ZNF730: variants seen among roughly 807,000 people sequenced by gnomAD.
The protein encoded by ZNF730 is zinc finger protein 730, also known as putative zinc finger protein 730.
Under a neutral mutation model 12.6 loss-of-function variants are expected in ZNF730, and 12 were observed. That is an observed-to-expected ratio of 0.95 (90% CI 0.61 to 1.54). The LOEUF (loss-of-function observed/expected upper bound fraction) is 1.54, where lower values mean the gene tolerates loss of function less well. ZNF730 is among the 40% of genes most tolerant of loss of function. The pLI, the probability that ZNF730 is intolerant of heterozygous loss-of-function variation, is 0.00. For synonymous variants in ZNF730, 194 were observed against 195.8 expected (o/e 0.99, Z 0.08); for missense variants, 643 against 583.5 (o/e 1.10, Z -1.05).
chr19:23,122,538 T>C (rs1970612276), intron 1 of ZNF730, among the ~76,000 whole-genome samples: 1 of 152,186 alleles, frequency 6.6e-6, no homozygotes, highest in Non-Finnish European at 1.5e-5. Flanking sequence ...AGATACTGAG[T>C]AAACTTTTTT....
intron 1 of ZNF730, among the ~76,000 whole-genome samples, chr19:23,080,134 CAG>C (rs966800970): frequency 2.6e-5 from 4 of 151,948 alleles, no homozygotes; most frequent in African/African-American, 9.7e-5. Flanking sequence ...TTAGTAGAGA[CAG>C]AGTTTCACCA....
chr19:23,107,473 A>AAAG (rs1970408814), intron 1 of ZNF730, among the ~76,000 whole-genome samples: 1 of 149,720 alleles, frequency 6.7e-6, no homozygotes, highest in Admixed American at 6.7e-5. Flanking sequence ...AAAAAAAAAA[A>AAAG]AACCACCACA....
At position 23,134,115 on chromosome 19, in the gene ZNF730, C is replaced by T. The variant is rs1259196558; in HGVS notation, c.39C>T (p.Phe13=). ...CATTTAGAGATGTGGCCATAGAATT[C>T]TCTCTGGAGGAGTGGCAATGTCTGG... ...ALTFRDVAIE[F]SLEEWQCLDT... is the part of the protein sequence containing the mutation. The change falls in exon 2 of 4, where the codon TTC becomes TTT. Residue 13 remains phenylalanine, a synonymous_variant. Coordinates refer to ENST00000597761, the MANE Select transcript of ZNF730 (RefSeq NM_001277403.2). 6.2e-6 allele frequency: 10 copies of T among 1,613,384 alleles called. No individual in the cohort carries two copies. The highest frequency in any genetic ancestry group is 1.1e-5 in the South Asian group (1 of 91,038).
In ZNF730 at chr19:23,146,041, AT is replaced by A; in HGVS notation, c.999del (p.His334IlefsTer27). 1.9e-6 allele frequency: 3 copies of A among 1,611,366 alleles called. No individual in the cohort carries two copies. In the South Asian group the frequency reaches 3.3e-5, roughly 18 times the overall value. On this transcript the variant is annotated frameshift_variant, in exon 4 of 4. Transcript: ENST00000597761. LOFTEE classifies it low-confidence loss of function (END_TRUNC). Reference protein sequence around the residue: ...WSSTLTKHKRIHNGEKPYKCE... With the variant: ...WSSTLTKHKRXHNGEKPYKCE... ...CTCAACCCTTACAAAACATAAAAGA[AT>A]TCATAATGGAGAAAAACCCTACAAA... is the stretch of plus-strand genomic sequence containing the variant.
At chr19:23,115,525 G>A (rs969537431), upstream of ZNF730, among the ~76,000 whole-genome samples, 1 of 152,184 alleles carries the variant, frequency 6.6e-6, no homozygotes, top group African/African-American at 2.4e-5. Flanking sequence ...ATGACCGTGT[G>A]CCAGTTTGGG....
Position 23,146,256 on chromosome 19 carries a change from C to A in ZNF730, c.1212C>A (p.Ala404=). ...KFYKCEECGK[A]FSRISHLTTH... Reference sequence around the variant, plus strand: ...ACAAATGTGAAGAATGTGGCAAAGCCTTTAGCCGTATCTCACACCTTACTA... The same window carrying A: ...ACAAATGTGAAGAATGTGGCAAAGCATTTAGCCGTATCTCACACCTTACTA... The change falls in exon 4 of 4, where the codon GCC becomes GCA. Residue 404 remains alanine (A), a synonymous_variant. Transcript: ENST00000597761. 6.2e-7 allele frequency: 1 copy of A among 1,610,398 alleles called. No homozygotes were observed. The highest frequency in any genetic ancestry group is 8.5e-7 in the Non-Finnish European group (1 of 1,178,688).
At position 23,105,746 on chromosome 19, in the gene ZNF730, C is replaced by T. The variant is rs546326733; in HGVS notation, c.-93-28334C>T. Among the ~76,000 whole-genome samples the T allele has an allele frequency of 1.4e-4, 22 of 152,230 alleles. No individual in the cohort carries two copies. The South Asian group carries it at 4.1e-3, about 29-fold the overall frequency. On this transcript the variant is annotated intron_variant, in intron 1 of 2. Coordinates refer to the ZNF730 transcript ENST00000593635. ...TGTTGAAATGCAAACCTTTTTGTGGCTGTGTATTGCTAACTTTATTTTCAA... is the reference window on the plus strand; with the variant it reads ...TGTTGAAATGCAAACCTTTTTGTGGTTGTGTATTGCTAACTTTATTTTCAA...
chr19:23,114,310 T>TTTTC (rs1555714261), upstream of ZNF730, among the ~76,000 whole-genome samples: 1 of 111,224 alleles, frequency 9.0e-6, no homozygotes, highest in African/African-American at 3.5e-5. Context: ...CTTTTCTTTT[T>TTTTC]TTTTTTTTTT....
chr19:23,131,494 AAAAAC>A (rs1182613311), intron 1 of ZNF730, among the ~76,000 whole-genome samples: 1 of 152,082 alleles, frequency 6.6e-6, no homozygotes, highest in African/African-American at 2.4e-5. Context: ...TACAAAAACA[AAAAAC>A]AAACAAAAAA....
chr19:23,088,967 G>A (rs1294229416), intron 1 of ZNF730, among the ~76,000 whole-genome samples: 1 of 151,730 alleles, frequency 6.6e-6, no homozygotes, highest in Non-Finnish European at 1.5e-5. Flanking sequence ...CCACCTCCCG[G>A]GTTCAAGTGA....
At chr19:23,122,132 CTTTTTTTTTTTTT>C (rs71163449) in intron 1 of ZNF730, among the ~76,000 whole-genome samples, 2 of 22,778 alleles carry the variant, frequency 8.8e-5, no homozygotes, top group Non-Finnish European at 1.5e-4. Flanking sequence ...TTGTTTAAAG[CTTTTTTTTTTTTT>C]TTTTTTTTTT....
intron 1 of ZNF730, among the ~76,000 whole-genome samples, chr19:23,130,450 T>C (rs1443893176): frequency 6.6e-6 from 1 of 152,118 alleles, no homozygotes; most frequent in African/African-American, 2.4e-5. Context: ...AACTAGCAAC[T>C]GAATAAAGGT....
chr19:23,101,717 G>A (rs1210980230), intron 1 of ZNF730, among the ~76,000 whole-genome samples: 2 of 152,122 alleles, frequency 1.3e-5, no homozygotes, highest in Admixed American at 1.3e-4. Context: ...GTACAGGCAT[G>A]CACCACCACA....
intron 1 of ZNF730, among the ~76,000 whole-genome samples, chr19:23,101,273 A>G (rs1032637068): frequency 6.6e-6 from 1 of 152,054 alleles, no homozygotes; most frequent in African/African-American, 2.4e-5. Context: ...AAGTTGAATA[A>G]TTGACTCTCA....
intron 1 of ZNF730, among the ~76,000 whole-genome samples, chr19:23,107,429 C>A (rs1300607603): frequency 2.3e-5 from 2 of 86,016 alleles, no homozygotes; most frequent in African/African-American, 1.0e-4. Context: ...TATCCTGTCT[C>A]TACTTTAAAA....
Position 23,146,010 on chromosome 19 carries a change from G to A in ZNF730, c.966G>A (p.Lys322=). The change falls in exon 4 of 4, where the codon AAG becomes AAA. Residue 322 remains lysine (K), a synonymous_variant. Transcript: ENST00000597761. Reference sequence around the variant, plus strand: ...GCGAAAAATGTGGCAAAGCTTTTAAGTGGTCCTCAACCCTTACAAAACATA... The same window carrying A: ...GCGAAAAATGTGGCAAAGCTTTTAAATGGTCCTCAACCCTTACAAAACATA... The part of the protein sequence containing the change: ...YKCEKCGKAF[K]WSSTLTKHKR... The A allele has an allele frequency of 6.2e-7, 1 of 1,604,822 alleles. No individual in the cohort carries two copies. The highest frequency in any genetic ancestry group is 8.5e-7 in the Non-Finnish European group (1 of 1,177,434).
At chr19:23,099,237 C>G (rs1457257927) in intron 1 of ZNF730, among the ~76,000 whole-genome samples, 1 of 152,196 alleles carries the variant, frequency 6.6e-6, no homozygotes, top group Non-Finnish European at 1.5e-5. Context: ...GGACTGTCCT[C>G]TGTGGACCCA....
chr19:23,146,206 A>G lies in ZNF730; in HGVS notation c.1162A>G (p.Ile388Val), dbSNP rs746554810. Residue 388 changes from isoleucine (I) to valine (V), a missense_variant, in exon 4 of 4, where the codon ATA (isoleucine) becomes GTA (valine). By Grantham distance (29) the Ile-to-Val change is conservative. Transcript: ENST00000597761. ...ATCCTCAACTCTTACTATACATAAGATAATTCATACTGTAGAGAAATTTTA... is the reference window on the plus strand; with the variant it reads ...ATCCTCAACTCTTACTATACATAAGGTAATTCATACTGTAGAGAAATTTTA... ...NQSSTLTIHK[I>V]IHTVEKFYKC... is the part of the protein sequence containing the mutation. 10 of 1,610,696 alleles carry G rather than the reference A, an allele frequency of 6.2e-6. No individual in the cohort carries two copies. The African/African-American group carries it at 9.4e-5, about 15-fold the overall frequency.
intron 1 of ZNF730, among the ~76,000 whole-genome samples, chr19:23,130,954 T>C (rs1444909334): frequency 6.6e-6 from 1 of 152,308 alleles, no homozygotes; most frequent in East Asian, 1.9e-4. Context: ...CAGTTTTGGG[T>C]GATGAATCCT....
Sources: allele counts gnomAD v4.1 joint callset (sites outside exome capture counted in the v4.1 genomes callset), GRCh38; gene constraint gnomAD v4.1.1; transcripts MANE v1.5; gene names NCBI Gene and HGNC (gene_info 2026-07-23, HGNC 2026-07-21).